The following UGT1A8 variants were observed in gnomAD, a reference collection of about 807,000 sequenced individuals.
UGT1A8 encodes UDP glucuronosyltransferase family 1 member A8, also known as UDP-glucuronosyltransferase 1A8.
Under a neutral mutation model 45.3 loss-of-function variants are expected in UGT1A8, and 39 were observed. The ratio of observed to expected loss-of-function variants is 0.86; its 90% CI spans 0.67 to 1.12. The LOEUF (loss-of-function observed/expected upper bound fraction) is 1.12, where lower values mean the gene tolerates loss of function less well. UGT1A8 is among the 50% of genes most tolerant of loss of function. The probability of loss-of-function intolerance (pLI) is 0.00; values close to 1 mark genes in which losing one functional copy is unlikely to be tolerated. For missense variants in UGT1A8, 719 were observed against 664.9 expected, an observed-to-expected ratio of 1.08 and a Z score of -0.90; for synonymous variants, 275 against 249.2, an observed-to-expected ratio of 1.10 and a Z score of -0.97.
At chr2:233,619,608 C>T (rs1044362833) in intron 1 of UGT1A8, among the ~76,000 whole-genome samples, 1 of 152,034 alleles carries the variant, frequency 6.6e-6, no homozygotes, top group Non-Finnish European at 1.5e-5. Flanking sequence ...ACTATATAAG[C>T]ATTTATGTTT....
At chr2:233,636,509 G>A in intron 1 of UGT1A8, 1 of 1,606,034 alleles carries the variant, frequency 6.2e-7, no homozygotes, top group African/African-American at 1.3e-5. Flanking sequence ...GCTGGCTCGG[G>A]CTGCAGTTCT....
intron 1 of UGT1A8, among the ~76,000 whole-genome samples, chr2:233,695,211 C>T (rs1186874462): frequency 6.6e-6 from 1 of 150,648 alleles, no homozygotes. Flanking sequence ...CTGCAACCTC[C>T]ACCTCCTGGG....
In UGT1A8 at chr2:233,747,539, A is replaced by G; in HGVS notation, c.856-19495A>G. 4 of 1,604,572 alleles carry G rather than the reference A, an allele frequency of 2.5e-6. No individual in the cohort carries two copies. The South Asian group carries it at 3.3e-5, about 13-fold the overall frequency. ...TTGAAACAGAACATTTTCTGAAGAC[A>G]TTTTCTAAAAGTATGGCAATTTTGA... On this transcript the variant is annotated intron_variant, in intron 1 of 4. Transcript: ENST00000373450.
At chr2:233,672,326 A>G in intron 1 of UGT1A8, 2 of 1,614,100 alleles carry the variant, frequency 1.2e-6, no homozygotes, top group Non-Finnish European at 1.7e-6. Context: ...TTTAAAGACA[A>G]AAAATTAGTA....
chr2:233,637,465 T>C (rs2073327994), intron 1 of UGT1A8: 1 of 1,504,430 alleles, frequency 6.6e-7, no homozygotes, highest in African/African-American at 1.4e-5. Flanking sequence ...TTTGACATTT[T>C]CGTTTGTTGC....
Position 233,772,379 on chromosome 2 carries a change from G to A in UGT1A8, c.1413G>A (p.Leu471=), listed in dbSNP as rs1255487594. ...FVMRHKGAPH[L]RPAAHDLTWY... is the part of the protein sequence containing the mutation. ...TGAGGCACAAGGGCGCGCCACACCTGCGCCCCGCAGCCCACGACCTCACCT... is the reference window on the plus strand; with the variant it reads ...TGAGGCACAAGGGCGCGCCACACCTACGCCCCGCAGCCCACGACCTCACCT... The change falls in exon 5 of 5, where the codon CTG becomes CTA. Residue 471 remains leucine, a synonymous_variant. Transcript: ENST00000373450. 1.2e-6 allele frequency: 2 copies of A among 1,614,130 alleles called. No individual in the cohort carries two copies. The highest frequency in any genetic ancestry group is 2.7e-5 in the African/African-American group (2 of 74,950).
chr2:233,687,359 T>A (rs746779775), intron 1 of UGT1A8, among the ~76,000 whole-genome samples: 3 of 152,136 alleles, frequency 2.0e-5, no homozygotes, highest in Non-Finnish European at 4.4e-5. Flanking sequence ...ATGGGTGGAC[T>A]GTCTCCTTAG....
At chr2:233,736,600 T>C (rs1190084576) in intron 1 of UGT1A8, among the ~76,000 whole-genome samples, 7 of 152,224 alleles carry the variant, frequency 4.6e-5, no homozygotes, top group Non-Finnish European at 1.0e-4. Flanking sequence ...TTATGCGCTA[T>C]GGTTTTTAGA....
At chr2:233,655,654 G>T (rs1243415782) in intron 1 of UGT1A8, among the ~76,000 whole-genome samples, 2 of 152,198 alleles carry the variant, frequency 1.3e-5, no homozygotes, top group Non-Finnish European at 2.9e-5. Context: ...TAGGGGATAT[G>T]GGGGTGGGTG....
At chr2:233,625,514 C>T (rs1297214575) in intron 1 of UGT1A8, among the ~76,000 whole-genome samples, 1 of 152,000 alleles carries the variant, frequency 6.6e-6, no homozygotes, top group Non-Finnish European at 1.5e-5. Flanking sequence ...CAGCTCTATT[C>T]AGAATAGAAA....
Position 233,769,804 on chromosome 2 carries a change from G to A in UGT1A8, c.1295+1365G>A, listed in dbSNP as rs1028893693. On this transcript the variant is annotated intron_variant, in intron 4 of 4. Transcript: ENST00000373450. The surrounding 1 kb of genome is among the most constrained non-coding windows in gnomAD (Gnocchi z 4.4). ...CAGAAGTTGGAGGCTGCTATGAGCCGTGATCATGCCACTGCACTCCAGCAA... is the reference window on the plus strand; with the variant it reads ...CAGAAGTTGGAGGCTGCTATGAGCCATGATCATGCCACTGCACTCCAGCAA... 2.8e-5 allele frequency: 31 copies of A among 1,110,686 alleles called. No individual in the cohort carries two copies. The highest frequency in any genetic ancestry group is 1.3e-4 in the African/African-American group (8 of 62,658). The allele number at this position is 1,110,686 out of a possible 1,614,324, so 68.8% of individuals were successfully genotyped here.
rs1699778109 is a variant in UGT1A8 at position 233,769,042 on chromosome 2, T to C, written c.1295+603T>C. Reference sequence around the variant, plus strand: ...AAAAGTTGCCATAATAGACATCTGATCCATAAGTTTCCTGCACAGAAAGAA... The same window carrying C: ...AAAAGTTGCCATAATAGACATCTGACCCATAAGTTTCCTGCACAGAAAGAA... On this transcript the variant is annotated intron_variant, in intron 4 of 4. Transcript: ENST00000373450. This position sits in a 1 kb window ranked among gnomAD's most constrained non-coding sequence, Gnocchi z 4.4. 1.3e-5 allele frequency among the ~76,000 whole-genome samples: 2 copies of C among 152,190 alleles called. No individual in the cohort carries two copies. The highest frequency in any genetic ancestry group is 2.9e-5 in the Non-Finnish European group (2 of 68,040).
At chr2:233,710,569 C>A (rs1186829016) in intron 1 of UGT1A8, among the ~76,000 whole-genome samples, 2 of 152,130 alleles carry the variant, frequency 1.3e-5, no homozygotes, top group African/African-American at 4.8e-5. Context: ...TTAAAAGGTG[C>A]CCTTTCAAAA....
intron 1 of UGT1A8, among the ~76,000 whole-genome samples, chr2:233,633,097 T>C (rs1646973127): frequency 6.6e-6 from 1 of 152,216 alleles, no homozygotes; most frequent in African/African-American, 2.4e-5. Flanking sequence ...GTTCTGTTTA[T>C]GTGATGGATT....
At chr2:233,739,468 AC>A (rs1365690931) in intron 1 of UGT1A8, among the ~76,000 whole-genome samples, 1 of 152,200 alleles carries the variant, frequency 6.6e-6, no homozygotes, top group Non-Finnish European at 1.5e-5. Flanking sequence ...GCTGCCTGAG[AC>A]CGTGGGAGCC....
rs1559330528 is a variant in UGT1A8, at chr2:233,664,481, G to A, written c.855+45919G>A. On this transcript the variant is annotated intron_variant, in intron 1 of 4. Transcript: ENST00000373450. The stretch of plus-strand genomic sequence containing the variant: ...TTTATAAATAAAAGAGGTTTAATTG[G>A]CTCAAGATTTTGCAGGCTGTACAAG... Among the ~76,000 whole-genome samples the A allele has an allele frequency of 4.6e-5, 7 of 152,146 alleles. No individual in the cohort carries two copies. The South Asian group carries it at 1.5e-3, about 32-fold the overall frequency.
At chr2:233,631,464 A>G (rs1204779730) in intron 1 of UGT1A8, among the ~76,000 whole-genome samples, 1 of 152,108 alleles carries the variant, frequency 6.6e-6, no homozygotes, top group Non-Finnish European at 1.5e-5. Flanking sequence ...AACAGCATAA[A>G]AGCGTTCCTA....
At chr2:233,621,200 A>G (rs1361538475) in intron 1 of UGT1A8, among the ~76,000 whole-genome samples, 1 of 152,180 alleles carries the variant, frequency 6.6e-6, no homozygotes. Flanking sequence ...ATCTTTTGGT[A>G]TGGTCATTGT....
intron 4 of UGT1A8, among the ~76,000 whole-genome samples, chr2:233,768,849 G>A (rs1699741817): frequency 6.6e-6 from 1 of 152,046 alleles, no homozygotes; most frequent in African/African-American, 2.4e-5. Flanking sequence ...CTGCCAAAGT[G>A]CTGAGATTAC....
Sources: allele counts gnomAD v4.1 joint callset (sites outside exome capture counted in the v4.1 genomes callset), GRCh38; gene constraint gnomAD v4.1.1; non-coding constraint Gnocchi (gnomAD v3.1); transcripts MANE v1.5; gene names NCBI Gene and HGNC (gene_info 2026-07-23, HGNC 2026-07-21).